The following ENPEP variants were observed in gnomAD, a reference collection of about 807,000 sequenced individuals.
ENPEP encodes glutamyl aminopeptidase, also known as AP-A.
ENPEP carries 103 observed loss-of-function variants against 114.5 expected under a neutral mutation model. That is an observed-to-expected ratio of 0.90 (90% confidence interval 0.77 to 1.06). The LOEUF (loss-of-function observed/expected upper bound fraction) is 1.06. Among genes scored for constraint, ENPEP ranks in the 50% least tolerant of loss-of-function variants. The pLI, the probability that ENPEP is intolerant of heterozygous loss-of-function variation, is 0.00. For missense variants in ENPEP, 1,196 were observed against 1,161.3 expected, an observed-to-expected ratio of 1.03 and a Z score of -0.43; for synonymous variants, 420 against 422.0, an observed-to-expected ratio of 1.00 and a Z score of 0.06.
rs1204019327 is a variant in ENPEP, at chr4:110,523,148, G to T, written c.1727+2782G>T. Among the ~76,000 whole-genome samples, 3 of 152,120 alleles carry T rather than the reference G, an allele frequency of 2.0e-5. No individual in the cohort carries two copies. The East Asian group carries it at 5.8e-4, about 29-fold the overall frequency. On this transcript the variant is annotated intron_variant, in intron 10 of 19. Coordinates refer to ENST00000265162, the MANE Select transcript of ENPEP (RefSeq NM_001977.4). ...AAGATGAAAAAAACTTGAGGATTTGGTGAAAGCCCATCCGTTTGGTCAACT... is the reference window on the plus strand; with the variant it reads ...AAGATGAAAAAAACTTGAGGATTTGTTGAAAGCCCATCCGTTTGGTCAACT...
At chr4:110,485,399 T>G (rs1368913478) in intron 1 of ENPEP, among the ~76,000 whole-genome samples, 1 of 152,188 alleles carries the variant, frequency 6.6e-6, no homozygotes. Context: ...CGTTTTAGCC[T>G]GTACCCCTTC....
chr4:110,517,852 G>A (rs1310874531), intron 8 of ENPEP, among the ~76,000 whole-genome samples: 1 of 152,094 alleles, frequency 6.6e-6, no homozygotes, highest in African/African-American at 2.4e-5. Context: ...TGATCGATAT[G>A]GACCACATCC....
chr4:110,549,648 G>A lies in ENPEP; in HGVS notation c.2330+16G>A. 2 of 1,613,284 alleles carry A rather than the reference G, an allele frequency of 1.2e-6. No individual in the cohort carries two copies. Among genetic ancestry groups the A allele is most frequent in the East Asian group, 2.2e-5 (1 of 44,860 alleles). On this transcript the variant is annotated intron_variant, in intron 16 of 19. Coordinates refer to ENST00000265162, the MANE Select transcript of ENPEP (RefSeq NM_001977.4). ...GGACTGTAAGGTGATTACTCACATT[G>A]TTATGCTTAGAAGACACATTTGAGA...
chr4:110,504,998 C>T (rs1466673065), intron 3 of ENPEP, among the ~76,000 whole-genome samples: 2 of 152,182 alleles, frequency 1.3e-5, no homozygotes, highest in Non-Finnish European at 2.9e-5. Flanking sequence ...GACTGCCCTT[C>T]CTGAAGTTTT....
chr4:110,480,406 A>T (rs906447929), intron 1 of ENPEP, among the ~76,000 whole-genome samples: 2 of 152,168 alleles, frequency 1.3e-5, no homozygotes, highest in African/African-American at 4.8e-5. Flanking sequence ...GGGCCACCAG[A>T]GGGAGTTCAC....
intron 6 of ENPEP, 46 bp from the exon 7 acceptor site, chr4:110,513,369 G>A (rs1725649372): frequency 6.3e-7 from 1 of 1,574,984 alleles, no homozygotes; most frequent in Admixed American, 1.9e-5. Flanking sequence ...TTATAAACTA[G>A]TATAAAGGAA....
rs1727675275 is a variant in ENPEP, at chr4:110,561,439, G to A, written c.2755G>A (p.Gly919Arg). ...ESFFAKYPQA[G>R]AGEKPREQVL... The stretch of plus-strand genomic sequence containing the variant: ...CTTTTTTGCAAAATATCCACAAGCT[G>A]GAGCAGGAGAAAAACCTAGGGAACA... Residue 919 changes from glycine (G) to arginine (R), a missense_variant, in exon 20 of 20, where the codon GGA becomes AGA. Transcript: ENST00000265162. The A allele has an allele frequency of 2.5e-6, 4 of 1,613,746 alleles. No homozygotes were observed. The highest frequency in any genetic ancestry group is 1.7e-5 in the Admixed American group (1 of 59,984).
In ENPEP at chr4:110,513,399, C is replaced by G. The variant is rs368803465; in HGVS notation, c.1309-16C>G. 86 of 1,609,292 alleles carry G rather than the reference C, an allele frequency of 5.3e-5. No individual in the cohort carries two copies. The highest frequency in any genetic ancestry group is 6.9e-5 in the Non-Finnish European group (81 of 1,178,042). On this transcript the variant is annotated splice_polypyrimidine_tract_variant and intron_variant, in intron 6 of 19. Coordinates refer to ENST00000265162, the MANE Select transcript of ENPEP (RefSeq NM_001977.4). ...AAGGAAATACTATATTCCTTTGGCT[C>G]ATTCTTTCATTTCAGCGTGACCAAA...
intron 3 of ENPEP, among the ~76,000 whole-genome samples, chr4:110,501,969 A>G (rs1356578965): frequency 6.6e-6 from 1 of 152,158 alleles, no homozygotes; most frequent in Non-Finnish European, 1.5e-5. Context: ...CCTTTTAATA[A>G]TAGCCATTCT....
At chr4:110,523,388 CTG>C (rs930617930) in intron 10 of ENPEP, among the ~76,000 whole-genome samples, 3 of 152,080 alleles carry the variant, frequency 2.0e-5, no homozygotes, top group Admixed American at 6.5e-5. Context: ...TCGTACAAAA[CTG>C]TGAGTAAATT....
intron 6 of ENPEP, 188 bp from the exon 7 acceptor site, chr4:110,513,221 TTAGAAG>T: frequency 1.1e-5 from 5 of 459,326 alleles, no homozygotes; most frequent in Non-Finnish European, 1.8e-5. Flanking sequence ...TTAAAAGGAA[TTAGAAG>T]TAGAAGAAGG....
At chr4:110,554,741 T>C (rs1727413166) in intron 18 of ENPEP, among the ~76,000 whole-genome samples, 2 of 152,032 alleles carry the variant, frequency 1.3e-5, no homozygotes, top group South Asian at 2.1e-4. Context: ...TATTTTGTTT[T>C]AGTTGAAAAG....
chr4:110,492,332 C>A (rs1193321824), intron 3 of ENPEP, among the ~76,000 whole-genome samples: 4 of 152,178 alleles, frequency 2.6e-5, no homozygotes, highest in Non-Finnish European at 2.9e-5. Context: ...GATACTGTAT[C>A]TTGCTTAGCC....
chr4:110,510,469 C>T (rs978700766), intron 6 of ENPEP, 111 bp downstream of exon 6: 64 of 882,640 alleles, frequency 7.3e-5, no homozygotes, highest in Admixed American at 3.8e-4. Flanking sequence ...CAGTGGTGAG[C>T]GGGGAATTCC....
At chr4:110,485,825 G>GTT (rs796072476) in intron 1 of ENPEP, among the ~76,000 whole-genome samples, 3 of 144,998 alleles carry the variant, frequency 2.1e-5, no homozygotes, top group Non-Finnish European at 3.0e-5. Flanking sequence ...TAAGTTTTTT[G>GTT]TTTTTTTTTT....
At chr4:110,539,789 A>G (rs1726784070) in intron 11 of ENPEP, among the ~76,000 whole-genome samples, 2 of 115,020 alleles carry the variant, frequency 1.7e-5, no homozygotes, top group Non-Finnish European at 1.8e-5. Flanking sequence ...AGTGCAACAC[A>G]GCATTCATAT....
chr4:110,497,478 G>A (rs1724987021), intron 3 of ENPEP, among the ~76,000 whole-genome samples: 1 of 151,814 alleles, frequency 6.6e-6, no homozygotes, highest in Non-Finnish European at 1.5e-5. Flanking sequence ...ATTTTATGGG[G>A]TAATTTAGAT....
intron 6 of ENPEP, 65 bp from the exon 7 acceptor site, chr4:110,513,350 T>G: frequency 6.6e-7 from 1 of 1,519,442 alleles, no homozygotes; most frequent in East Asian, 2.3e-5. Context: ...TTATATATGG[T>G]ATTTTAGTTT....
Position 110,563,900 on chromosome 4 carries a change from G to A in ENPEP, c.*2342G>A, listed in dbSNP as rs554664779. The A allele has an allele frequency of 3.4e-4, 51 of 152,238 alleles. 3 individuals are homozygous for A. Among genetic ancestry groups the A allele is most frequent in the East Asian group, 1.2e-3 (6 of 5,180 alleles). 9.4% of individuals were successfully genotyped at this position (152,238 alleles called of 1,614,324 possible). On this transcript the variant is annotated 3_prime_UTR_variant, in exon 20 of 20. Transcript: ENST00000265162. ...GGGTGAGATGTATACCTGGGTTGAA[G>A]GTAATGATACTCCTACAGCTTACCC...
Sources: gnomAD v4.1 joint callset for allele counts (sites outside exome capture counted in the v4.1 genomes callset) on GRCh38, gnomAD v4.1.1 for gene constraint, MANE v1.5 for transcripts, NCBI Gene and HGNC (gene_info 2026-07-23, HGNC 2026-07-21) for gene names.